Variants in KDM5A observed in about 807,000 individuals in gnomAD.
KDM5A encodes the protein lysine demethylase 5A.
KDM5A carries 42 observed loss-of-function variants against 193.5 expected under a neutral mutation model. That is an observed-to-expected ratio of 0.22 (90% CI 0.17 to 0.28). KDM5A has a LOEUF of 0.28. KDM5A is among the 10% of genes least tolerant of loss of function. The pLI is 1.00. For synonymous variants in KDM5A, 796 were observed against 718.1 expected (o/e 1.11, Z -1.73); for missense variants, 1,692 against 2,055.1 (o/e 0.82, Z 3.42).
chr12:370,613 T>C (rs11445499), intron 3 of KDM5A, among the ~76,000 whole-genome samples: 89 of 24,470 alleles, frequency 3.6e-3, no homozygotes, highest in Admixed American at 4.5e-3. Flanking sequence ...AACAGAGACT[T>C]TTTTTTTTTT....
intron 10 of KDM5A, among the ~76,000 whole-genome samples, chr12:336,195 C>T (rs1383456898): frequency 6.6e-6 from 1 of 151,182 alleles, no homozygotes; most frequent in Non-Finnish European, 1.5e-5. Context: ...CCCATCTCTA[C>T]AAAAAATACA....
In KDM5A at chr12:281,075, G is replaced by C. The variant is rs932358953; in HGVS notation, c.*4381C>G. ...AATGTAAATGACAGGGGTTAGGGTG[G>C]GTATGGGTGTGGGGAACCTGAGCAT... On this transcript the variant is annotated 3_prime_UTR_variant, in exon 28 of 28. Transcript: ENST00000399788. 4.3e-6 allele frequency: 1 copy of C among 232,726 alleles called. No individual in the cohort carries two copies. The highest frequency in any genetic ancestry group is 2.2e-5 in the African/African-American group (1 of 45,274). 14.4% of individuals were successfully genotyped at this position (232,726 alleles called of 1,614,324 possible). A position where few individuals can be genotyped will look rare whatever the true frequency, so the allele number is the denominator to read the frequency against.
chr12:326,992 A>G (rs1410506595), intron 14 of KDM5A, among the ~76,000 whole-genome samples: 2 of 152,144 alleles, frequency 1.3e-5, no homozygotes, highest in African/African-American at 2.4e-5. Context: ...ATGAAGGGAT[A>G]AAGAGGACAT....
chr12:308,985 A>G (rs1043051737), intron 22 of KDM5A, among the ~76,000 whole-genome samples: 2 of 152,212 alleles, frequency 1.3e-5, no homozygotes. Context: ...CCTTTGAAAA[A>G]CACAATAGTA....
chr12:330,089 A>G (rs980482060), intron 13 of KDM5A, among the ~76,000 whole-genome samples: 20 of 91,242 alleles, frequency 2.2e-4, no homozygotes, highest in African/African-American at 6.9e-4. Context: ...GTGTGTGTAT[A>G]TATATATATC....
chr12:296,406 C>T (rs951166174), intron 25 of KDM5A, among the ~76,000 whole-genome samples: 5 of 151,776 alleles, frequency 3.3e-5, no homozygotes, highest in African/African-American at 1.2e-4. Context: ...AGCGAGCAAC[C>T]AGAATCTCTC....
At position 308,016 on chromosome 12, in the gene KDM5A, C is replaced by G; in HGVS notation, c.3379-11G>C. On this transcript the variant is annotated splice_polypyrimidine_tract_variant and intron_variant, in intron 22 of 27. Transcript: ENST00000399788. Reference sequence around the variant, plus strand: ...TTTGAAAACTGCCACCTGTACAAGACAAACATTTAATTGAAAAGAGTCACT... The same window carrying G: ...TTTGAAAACTGCCACCTGTACAAGAGAAACATTTAATTGAAAAGAGTCACT... The G allele has an allele frequency of 6.2e-7, 1 of 1,613,212 alleles. No individual in the cohort carries two copies.
chr12:327,706 T>A (rs985114659), intron 14 of KDM5A, among the ~76,000 whole-genome samples: 1 of 151,702 alleles, frequency 6.6e-6, no homozygotes, highest in Non-Finnish European at 1.5e-5. Context: ...AGACTCTGTC[T>A]CAAAAACAAC....
intron 27 of KDM5A, among the ~76,000 whole-genome samples, chr12:289,264 G>T (rs1309030751): frequency 6.6e-6 from 1 of 152,040 alleles, no homozygotes; most frequent in African/African-American, 2.4e-5. Context: ...TTAGTAGCCT[G>T]AGAGAATTTG....
intron 9 of KDM5A, among the ~76,000 whole-genome samples, chr12:351,222 C>T (rs372641548): frequency 7.9e-5 from 12 of 152,196 alleles, no homozygotes; most frequent in African/African-American, 2.4e-4. Context: ...CCCCTACTCC[C>T]GGACAGGCCC....
chr12:333,300 T>C, intron 12 of KDM5A, 187 bp downstream of exon 12: 1 of 646,928 alleles, frequency 1.5e-6, no homozygotes, highest in South Asian at 1.7e-5. Flanking sequence ...GCTCCTATAG[T>C]CCCAGCTACT....
chr12:386,026 G>T, intron 1 of KDM5A, 52 bp from the exon 2 acceptor site: 2 of 1,383,176 alleles, frequency 1.4e-6, no homozygotes, highest in Non-Finnish European at 1.0e-6. Context: ...AACAAGGAAT[G>T]CATTAATTAT....
chr12:321,675 G>C (rs986663456), intron 17 of KDM5A, among the ~76,000 whole-genome samples: 5 of 152,202 alleles, frequency 3.3e-5, no homozygotes, highest in Non-Finnish European at 7.3e-5. Context: ...CATTCAGACA[G>C]AAGAAATGTG....
chr12:301,105 A>C (rs1943435477), intron 24 of KDM5A, among the ~76,000 whole-genome samples: 1 of 152,242 alleles, frequency 6.6e-6, no homozygotes, highest in Non-Finnish European at 1.5e-5. Context: ...AGGTACAAAG[A>C]GGATCTGGTA....
intron 3 of KDM5A, among the ~76,000 whole-genome samples, chr12:382,602 A>G (rs1487185063): frequency 6.6e-6 from 1 of 152,156 alleles, no homozygotes; most frequent in Non-Finnish European, 1.5e-5. Flanking sequence ...CAGATAATTA[A>G]GCAATAATAA....
At chr12:376,691 C>T (rs183077101) in intron 3 of KDM5A, among the ~76,000 whole-genome samples, 13 of 152,270 alleles carry the variant, frequency 8.5e-5, no homozygotes, top group South Asian at 2.1e-4. Flanking sequence ...AGCTGTAGAC[C>T]GGAGCTGTTC....
intron 19 of KDM5A, among the ~76,000 whole-genome samples, chr12:314,709 G>GGGTA (rs1317443814): frequency 6.6e-6 from 1 of 152,192 alleles, no homozygotes; most frequent in Non-Finnish European, 1.5e-5. Context: ...GCCAGGGGCA[G>GGGTA]GGTAGGGTTG....
At chr12:294,355 T>C (rs921246491) in intron 26 of KDM5A, among the ~76,000 whole-genome samples, 18 of 152,216 alleles carry the variant, frequency 1.2e-4, no homozygotes, top group African/African-American at 4.1e-4. Context: ...AATAATTCCC[T>C]TGAGAACTCA....
intron 3 of KDM5A, among the ~76,000 whole-genome samples, chr12:382,654 C>T (rs558729142): frequency 5.9e-5 from 9 of 151,526 alleles, no homozygotes; most frequent in South Asian, 2.1e-4. Flanking sequence ...TAGCCGGGCG[C>T]GGTGGCTCAC....
Sources: allele counts gnomAD v4.1 joint callset (sites outside exome capture counted in the v4.1 genomes callset), GRCh38; gene constraint gnomAD v4.1.1; transcripts MANE v1.5; gene names NCBI Gene and HGNC (gene_info 2026-07-23, HGNC 2026-07-21).